ELOVL6: variants seen among roughly 807,000 people sequenced by gnomAD.
The protein encoded by ELOVL6 is ELOVL fatty acid elongase 6, also known as very long chain fatty acid elongase 6.
ELOVL6 carries 8 observed loss-of-function variants against 31.7 expected under a neutral mutation model. The observed-to-expected ratio is 0.25, with a 90% confidence interval of 0.15 to 0.45. ELOVL6 has a LOEUF of 0.45. Ranked by LOEUF, ELOVL6 falls within the 20% of genes least tolerant of loss-of-function variation. The pLI, the probability that ELOVL6 is intolerant of heterozygous loss-of-function variation, is 1.00. For synonymous variants in ELOVL6, 101 were observed against 117.7 expected, an observed-to-expected ratio of 0.86 and a Z score of 0.92; for missense variants, 126 against 326.4, an observed-to-expected ratio of 0.39 and a Z score of 4.73.
rs868824312 is a variant in ELOVL6 at position 110,198,082 on chromosome 4, C to G, written c.89+165G>C. ...GACCTCGCGCTTCATGTACCCCCCC[C>G]CCCCCAGCGTCTCCTGCACCCGGGA... On this transcript the variant is annotated intron_variant, in intron 1 of 3. Coordinates refer to ENST00000302274, the MANE Select transcript of ELOVL6 (RefSeq NM_024090.3). 1.9e-4 allele frequency: 107 copies of G among 577,872 alleles called. 7 individuals are homozygous for G. The highest frequency in any genetic ancestry group is 1.2e-3 in the South Asian group (69 of 55,928). 35.8% of individuals were successfully genotyped at this position (577,872 alleles called of 1,614,324 possible).
intron 2 of ELOVL6, among the ~76,000 whole-genome samples, chr4:110,081,964 A>T (rs1755871777): frequency 6.6e-6 from 1 of 151,522 alleles, no homozygotes; most frequent in Admixed American, 6.6e-5. Context: ...AAAAGAAGAC[A>T]TTTATGCAGC....
rs567017349 is a variant in ELOVL6, at chr4:110,165,880, G to A, written c.89+32367C>T. 3.3e-5 allele frequency among the ~76,000 whole-genome samples: 5 copies of A among 152,298 alleles called. No individual in the cohort carries two copies. In the East Asian group the frequency reaches 9.7e-4, roughly 29 times the overall value. ...GACAATCCTATATCCTCTGCCAGAA[G>A]AGTTTAGCACATCTGGGAAGTGGGA... On this transcript the variant is annotated intron_variant, in intron 1 of 3. Coordinates refer to ENST00000302274, the MANE Select transcript of ELOVL6 (RefSeq NM_024090.3).
At chr4:110,140,455 G>T (rs1271476156) in intron 1 of ELOVL6, among the ~76,000 whole-genome samples, 3 of 151,932 alleles carry the variant, frequency 2.0e-5, no homozygotes, top group African/African-American at 4.8e-5. Flanking sequence ...TTGAGATGGG[G>T]TCTTACTCTG....
intron 1 of ELOVL6, among the ~76,000 whole-genome samples, chr4:110,186,747 T>C (rs943170821): frequency 2.9e-5 from 4 of 140,066 alleles, no homozygotes; most frequent in African/African-American, 1.1e-4. Context: ...GAGGTTGCAG[T>C]GAGTTGAGAT....
chr4:110,077,998 G>C (rs773062954), intron 2 of ELOVL6, among the ~76,000 whole-genome samples: 1 of 152,140 alleles, frequency 6.6e-6, no homozygotes, highest in Non-Finnish European at 1.5e-5. Context: ...AGAGATAGAA[G>C]ATCAAATGGA....
chr4:110,152,242 T>G (rs2126265792), intron 1 of ELOVL6, among the ~76,000 whole-genome samples: 1 of 152,326 alleles, frequency 6.6e-6, no homozygotes, highest in East Asian at 1.9e-4. Flanking sequence ...TATCAAGTCC[T>G]ATTATGGACA....
intron 1 of ELOVL6, among the ~76,000 whole-genome samples, chr4:110,139,355 C>T (rs28722886): frequency 0.25 from 37,982 of 151,968 alleles, 5,061 homozygotes; most frequent in East Asian, 0.34. Flanking sequence ...TACTTTTCAG[C>T]GATAAAAAGA....
chr4:110,126,303 C>T (rs1757497377), intron 1 of ELOVL6, among the ~76,000 whole-genome samples: 1 of 152,152 alleles, frequency 6.6e-6, no homozygotes, highest in Non-Finnish European at 1.5e-5. Context: ...GCCTCGGCCT[C>T]CCAAAGTGCT....
chr4:110,190,854 C>G (rs1448620622), intron 1 of ELOVL6, among the ~76,000 whole-genome samples: 1 of 150,420 alleles, frequency 6.6e-6, no homozygotes, highest in Non-Finnish European at 1.5e-5. Flanking sequence ...CAGTTTTGCT[C>G]TGTTGCCCAA....
chr4:110,121,542 CA>C (rs1384947454), intron 1 of ELOVL6, among the ~76,000 whole-genome samples: 1 of 151,988 alleles, frequency 6.6e-6, no homozygotes, highest in Admixed American at 6.6e-5. Flanking sequence ...ACTAAAAATA[CA>C]AAAAAATTAG....
intron 1 of ELOVL6, chr4:110,147,141 C>T (rs1197885541): frequency 6.0e-6 from 1 of 165,624 alleles, no homozygotes; most frequent in Non-Finnish European, 1.3e-5. Flanking sequence ...CTGAGAAGAT[C>T]CTTACTGAAA....
intron 1 of ELOVL6, among the ~76,000 whole-genome samples, chr4:110,113,275 A>G (rs1484558696): frequency 1.3e-5 from 2 of 151,450 alleles, no homozygotes; most frequent in African/African-American, 4.9e-5. Flanking sequence ...CCCAAGTCAA[A>G]ACCTGGCAGA....
intron 2 of ELOVL6, among the ~76,000 whole-genome samples, chr4:110,086,452 C>T (rs917291408): frequency 8.5e-5 from 13 of 152,196 alleles, no homozygotes; most frequent in Admixed American, 5.2e-4. Context: ...TCAGAAATCA[C>T]AGTTTCAAAG....
At chr4:110,091,665 G>A (rs540645990) in intron 2 of ELOVL6, among the ~76,000 whole-genome samples, 16 of 152,168 alleles carry the variant, frequency 1.1e-4, no homozygotes, top group South Asian at 2.1e-4. Context: ...CTCCAGTTCC[G>A]GGTTAACACA....
intron 1 of ELOVL6, among the ~76,000 whole-genome samples, chr4:110,108,356 G>A (rs1756944793): frequency 6.6e-6 from 1 of 151,954 alleles, no homozygotes; most frequent in East Asian, 1.9e-4. Context: ...AGCCATAAAG[G>A]GAAAAGTAAT....
intron 1 of ELOVL6, among the ~76,000 whole-genome samples, chr4:110,175,911 G>C (rs2126275492): frequency 6.6e-6 from 1 of 152,062 alleles, no homozygotes; most frequent in African/African-American, 2.4e-5. Flanking sequence ...CATGTTTTAG[G>C]ATCTCATGTC....
At chr4:110,124,351 T>C (rs766633908) in intron 1 of ELOVL6, among the ~76,000 whole-genome samples, 1 of 152,128 alleles carries the variant, frequency 6.6e-6, no homozygotes, top group African/African-American at 2.4e-5. Context: ...GTGGTATATA[T>C]ACACCATGGA....
intron 2 of ELOVL6, among the ~76,000 whole-genome samples, chr4:110,072,437 A>G (rs530496320): frequency 2.6e-5 from 4 of 152,178 alleles, no homozygotes; most frequent in Non-Finnish European, 4.4e-5. Context: ...GATCGCACCA[A>G]TGTACTCCAG....
chr4:110,083,113 T>C (rs1029413509), intron 2 of ELOVL6, among the ~76,000 whole-genome samples: 1 of 151,756 alleles, frequency 6.6e-6, no homozygotes, highest in Non-Finnish European at 1.5e-5. Flanking sequence ...GACTACATAC[T>C]AGGTTCTTCA....
Sources: allele counts gnomAD v4.1 joint callset (sites outside exome capture counted in the v4.1 genomes callset), GRCh38; gene constraint gnomAD v4.1.1; transcripts MANE v1.5; gene names NCBI Gene and HGNC (gene_info 2026-07-23, HGNC 2026-07-21).